Variants in KAZN observed in about 807,000 individuals in gnomAD.
KAZN encodes the protein kazrin, periplakin interacting protein, also known as kazrin.
In KAZN, 40 loss-of-function variants were observed where a neutral mutation model predicts 87.4. The observed-to-expected ratio is 0.46, with a 90% CI of 0.36 to 0.60. The LOEUF (loss-of-function observed/expected upper bound fraction) is 0.60. Ranked by LOEUF, KAZN falls within the 20% of genes least tolerant of loss-of-function variation. KAZN has a pLI of 0.00. For missense variants in KAZN, 898 were observed against 1,073.9 expected (o/e 0.84, Z 2.29); for synonymous variants, 466 against 458.3 (o/e 1.02, Z -0.22).
At chr1:14,059,629 T>C (rs1642710883) in intron 1 of KAZN, among the ~76,000 whole-genome samples, 1 of 152,184 alleles carries the variant, frequency 6.6e-6, no homozygotes, top group African/African-American at 2.4e-5. Flanking sequence ...GTAACTATAC[T>C]TTACCAGCTA....
intron 1 of KAZN, among the ~76,000 whole-genome samples, chr1:14,832,919 C>T (rs11587790): frequency 0.037 from 5,561 of 152,168 alleles, 336 homozygotes; most frequent in African/African-American, 0.13. Context: ...TAGGGCTTGT[C>T]GAAGGCCGCT....
chr1:14,976,987 A>G (rs1284720802), intron 2 of KAZN, among the ~76,000 whole-genome samples: 1 of 152,182 alleles, frequency 6.6e-6, no homozygotes, highest in African/African-American at 2.4e-5. Flanking sequence ...CCCGGGAGGC[A>G]GAGGTTGCAG....
At chr1:14,952,240 C>CTGTATGTGTGTG (rs373964583) in intron 1 of KAZN, among the ~76,000 whole-genome samples, 7 of 144,012 alleles carry the variant, frequency 4.9e-5, no homozygotes, top group African/African-American at 1.6e-4. Context: ...TTCTTTCCCA[C>CTGTATGTGTGTG]TGTGTGTGTG....
rs538399446 is a variant in KAZN at position 14,615,039 on chromosome 1, G to A, written c.226+15816G>A. Among the ~76,000 whole-genome samples the A allele has an allele frequency of 4.2e-4, 64 of 152,382 alleles. No individual in the cohort carries two copies. The South Asian group carries it at 0.012, about 30-fold the overall frequency. On this transcript the variant is annotated intron_variant, in intron 1 of 14. Transcript: ENST00000376030. ...GTGTGATGTGCAGAGCACAGTACTT[G>A]GCACTTGCCAATTCCCCTGTAAATG...
At chr1:14,176,858 G>A (rs1646088789) in intron 1 of KAZN, among the ~76,000 whole-genome samples, 1 of 152,110 alleles carries the variant, frequency 6.6e-6, no homozygotes, top group African/African-American at 2.4e-5. Flanking sequence ...TACCACTTTA[G>A]GTATAAGATC....
At chr1:14,258,218 CT>C (rs70997128) in intron 2 of KAZN, among the ~76,000 whole-genome samples, 114 of 126,394 alleles carry the variant, frequency 9.0e-4, no homozygotes, top group Non-Finnish European at 9.9e-4. Context: ...TTCTTTCTTT[CT>C]TTTTTTTTTT....
intron 1 of KAZN, among the ~76,000 whole-genome samples, chr1:14,032,548 CT>C (rs1641373144): frequency 6.6e-6 from 1 of 152,182 alleles, no homozygotes; most frequent in Non-Finnish European, 1.5e-5. Context: ...TCTATTGTCT[CT>C]TGCTGAAATG....
chr1:14,701,552 G>A (rs1641923482), intron 1 of KAZN, among the ~76,000 whole-genome samples: 1 of 152,208 alleles, frequency 6.6e-6, no homozygotes, highest in South Asian at 2.1e-4. Context: ...CAGCACTTTG[G>A]AGGCCAAGGC....
chr1:14,500,354 G>A (rs1670172083), intron 2 of KAZN, among the ~76,000 whole-genome samples: 1 of 152,154 alleles, frequency 6.6e-6, no homozygotes, highest in South Asian at 2.1e-4. Context: ...AACACTTGCA[G>A]AAACACCGAC....
chr1:14,226,599 C>T (rs1354501990), intron 2 of KAZN, among the ~76,000 whole-genome samples: 2 of 152,108 alleles, frequency 1.3e-5, no homozygotes, highest in South Asian at 2.1e-4. Context: ...GACACATGCA[C>T]GTGAATGTTC....
chr1:15,023,533 A>T (rs551803250), intron 2 of KAZN, among the ~76,000 whole-genome samples: 2 of 151,998 alleles, frequency 1.3e-5, no homozygotes, highest in East Asian at 3.9e-4. Context: ...CTTCCCCGGA[A>T]TGTGAGCTGG....
intron 8 of KAZN, chr1:15,067,673 A>G: frequency 1.0e-6 from 1 of 985,392 alleles, no homozygotes; most frequent in Non-Finnish European, 1.2e-6. Context: ...CTCAAGAACA[A>G]ACAACACTTT....
At chr1:14,306,423 G>A (rs1654934003) in intron 2 of KAZN, among the ~76,000 whole-genome samples, 1 of 152,232 alleles carries the variant, frequency 6.6e-6, no homozygotes, top group African/African-American at 2.4e-5. Context: ...TCTCCAACAG[G>A]CCACTTAGAA....
At chr1:13,946,436 C>G (rs1207262631) in intron 1 of KAZN, among the ~76,000 whole-genome samples, 1 of 152,074 alleles carries the variant, frequency 6.6e-6, no homozygotes, top group Admixed American at 6.5e-5. Context: ...ATAAAGTGAG[C>G]AATTTGAGGA....
rs760637721 is a variant in KAZN, at chr1:14,417,295, C to T, written c.250-181688C>T. Among the ~76,000 whole-genome samples the T allele has an allele frequency of 1.2e-3, 185 of 152,190 alleles. 1 individual carries two copies. The highest frequency in any genetic ancestry group is 1.5e-3 in the African/African-American group (61 of 41,516). ...CCATTAAGAAGGGCAATTTTTAAAA[C>T]GCTAAATCCATTGCACCAGGCTACT... On this transcript the variant is annotated intron_variant, in intron 2 of 16. Coordinates refer to the KAZN transcript ENST00000636203.
intron 2 of KAZN, among the ~76,000 whole-genome samples, chr1:14,233,672 AAT>A (rs1404326912): frequency 6.6e-6 from 1 of 152,242 alleles, no homozygotes; most frequent in Non-Finnish European, 1.5e-5. Flanking sequence ...CTTTCTTAAT[AAT>A]GCAAATGCAG....
intron 1 of KAZN, among the ~76,000 whole-genome samples, chr1:14,859,130 C>G (rs1650531370): frequency 6.6e-6 from 1 of 151,688 alleles, no homozygotes; most frequent in Admixed American, 6.6e-5. Flanking sequence ...TGGCGTGAAC[C>G]TGGGAGGTGG....
chr1:14,849,348 A>G (rs1198821356), intron 1 of KAZN, among the ~76,000 whole-genome samples: 2 of 152,200 alleles, frequency 1.3e-5, no homozygotes, highest in Non-Finnish European at 2.9e-5. Context: ...AATCATCGTC[A>G]TCCTCATCAA....
chr1:14,718,792 A>C (rs1572307131), intron 1 of KAZN, among the ~76,000 whole-genome samples: 1 of 151,914 alleles, frequency 6.6e-6, no homozygotes. Flanking sequence ...CTGAATCCGC[A>C]CCCTTTCCTT....
Sources: allele counts gnomAD v4.1 joint callset (sites outside exome capture counted in the v4.1 genomes callset), GRCh38; gene constraint gnomAD v4.1.1; transcripts MANE v1.5; gene names NCBI Gene and HGNC (gene_info 2026-07-23, HGNC 2026-07-21).